The following IGF1 variants were observed in gnomAD, a reference collection of about 807,000 sequenced individuals.
IGF1 encodes insulin like growth factor 1.
A neutral mutation model predicts 13.8 loss-of-function variants in IGF1; 4 were observed. The ratio of observed to expected loss-of-function variants is 0.29; its 90% CI spans 0.14 to 0.66. IGF1 has a LOEUF of 0.66. IGF1 is among the 30% of genes least tolerant of loss of function. IGF1 has a pLI of 0.78. For synonymous variants in IGF1, 76 were observed against 72.6 expected, an observed-to-expected ratio of 1.05 and a Z score of -0.23; for missense variants, 124 against 188.5, an observed-to-expected ratio of 0.66 and a Z score of 2.00.
chr12:102,419,051 G>A (rs1373331390), intron 3 of IGF1, among the ~76,000 whole-genome samples: 2 of 152,180 alleles, frequency 1.3e-5, no homozygotes, highest in Non-Finnish European at 2.9e-5. Context: ...AGACATTAAC[G>A]ATGGTCCAAC....
At chr12:102,472,145 A>G (rs865784150) in intron 2 of IGF1, among the ~76,000 whole-genome samples, 5 of 152,130 alleles carry the variant, frequency 3.3e-5, no homozygotes, top group Non-Finnish European at 5.9e-5. Flanking sequence ...AGGCTCTCCT[A>G]TCTTCCCTAT....
intron 2 of IGF1, among the ~76,000 whole-genome samples, chr12:102,441,903 A>ACTGCTGCTG (rs142314979): frequency 0.026 from 707 of 27,298 alleles, 80 homozygotes; most frequent in African/African-American, 0.035. Context: ...ATTCTATTAC[A>ACTGCTGCTG]CTGCTTCTTC....
At chr12:102,474,253 G>T (rs1447937998) in intron 2 of IGF1, among the ~76,000 whole-genome samples, 1 of 152,186 alleles carries the variant, frequency 6.6e-6, no homozygotes, top group Non-Finnish European at 1.5e-5. Context: ...TCATTCATCT[G>T]CTCTGCAACA....
At chr12:102,471,362 C>T (rs777675396) in intron 2 of IGF1, among the ~76,000 whole-genome samples, 23 of 152,058 alleles carry the variant, frequency 1.5e-4, no homozygotes, top group Non-Finnish European at 3.2e-4. Flanking sequence ...GACGTTTAGA[C>T]CCAGGAAGTT....
intron 2 of IGF1, among the ~76,000 whole-genome samples, chr12:102,434,161 T>A (rs1049406606): frequency 5.3e-5 from 8 of 151,736 alleles, no homozygotes; most frequent in African/African-American, 1.2e-4. Flanking sequence ...TTTTTTTTTT[T>A]ATTATACTTT....
intron 2 of IGF1, among the ~76,000 whole-genome samples, chr12:102,441,906 G>GCTGCTGCTTCTTCTTCTTCTTCTT: frequency 0.019 from 1,854 of 99,994 alleles, 140 homozygotes; most frequent in South Asian, 0.028. Context: ...CTATTACACT[G>GCTGCTGCTTCTTCTTCTTCTTCTT]CTTCTTCTCC....
At chr12:102,440,316 G>A (rs149277213) in intron 2 of IGF1, among the ~76,000 whole-genome samples, 1 of 152,154 alleles carries the variant, frequency 6.6e-6, no homozygotes, top group Non-Finnish European at 1.5e-5. Flanking sequence ...CAAATACTGG[G>A]ATGGGCCTGC....
intron 2 of IGF1, among the ~76,000 whole-genome samples, chr12:102,453,270 T>C (rs796675969): frequency 3.9e-5 from 6 of 152,260 alleles, no homozygotes; most frequent in African/African-American, 1.4e-4. Flanking sequence ...AGGATGTAGG[T>C]TTTCAGGAGT....
At chr12:102,444,729 C>T (rs1878165701) in intron 2 of IGF1, among the ~76,000 whole-genome samples, 1 of 152,000 alleles carries the variant, frequency 6.6e-6, no homozygotes, top group Non-Finnish European at 1.5e-5. Context: ...AAGCACTGCC[C>T]TAAGTGCCGC....
At chr12:102,475,278 C>T (rs1181102142) in intron 2 of IGF1, among the ~76,000 whole-genome samples, 1 of 152,006 alleles carries the variant, frequency 6.6e-6, no homozygotes, top group African/African-American at 2.4e-5. Context: ...TGCATGTGTT[C>T]CATATGTTTA....
At chr12:102,472,142 C>T (rs1008159396) in intron 2 of IGF1, among the ~76,000 whole-genome samples, 3 of 152,110 alleles carry the variant, frequency 2.0e-5, no homozygotes, top group Non-Finnish European at 4.4e-5. Context: ...GATAGGCTCT[C>T]CTATCTTCCC....
chr12:102,409,531 T>C (rs2136960677), intron 3 of IGF1, among the ~76,000 whole-genome samples: 2 of 152,362 alleles, frequency 1.3e-5, no homozygotes, highest in South Asian at 4.1e-4. Flanking sequence ...ACTTTCTTCC[T>C]GTGGTATTCT....
chr12:102,417,549 T>G, intron 3 of IGF1: 2 of 1,167,228 alleles, frequency 1.7e-6, no homozygotes, highest in Non-Finnish European at 2.1e-6. Flanking sequence ...GTGTGTCTTT[T>G]TTTGCCTCTT....
chr12:102,432,831 C>T (rs1876856098), intron 2 of IGF1, among the ~76,000 whole-genome samples: 1 of 152,046 alleles, frequency 6.6e-6, no homozygotes, highest in Non-Finnish European at 1.5e-5. Flanking sequence ...TACCCTAAAA[C>T]TTAAAGTATA....
intron 3 of IGF1, among the ~76,000 whole-genome samples, chr12:102,413,988 C>T (rs1382778709): frequency 1.3e-5 from 2 of 152,182 alleles, no homozygotes; most frequent in African/African-American, 4.8e-5. Context: ...CGTTGGCAAG[C>T]TTGGGCTTGA....
At position 102,469,294 on chromosome 12, in the gene IGF1, T is replaced by C. The variant is rs1267311805; in HGVS notation, c.220+6349A>G. 3.3e-5 allele frequency among the ~76,000 whole-genome samples: 5 copies of C among 152,318 alleles called. No individual in the cohort carries two copies. In the South Asian group the frequency reaches 8.3e-4, roughly 25 times the overall value. On this transcript the variant is annotated intron_variant, in intron 2 of 3. Transcript: ENST00000337514. ...GTCCAATTAAACAGCATTTTTTTAG[T>C]AGGTCTTTGAGAAAGACCAATTAAA...
intron 2 of IGF1, among the ~76,000 whole-genome samples, chr12:102,445,273 G>A (rs929170281): frequency 2.0e-5 from 3 of 152,180 alleles, no homozygotes; most frequent in Admixed American, 1.3e-4. Context: ...ATTCTGTGAA[G>A]AAAGTCAATG....
At chr12:102,453,467 C>G (rs910473022) in intron 2 of IGF1, among the ~76,000 whole-genome samples, 1 of 152,088 alleles carries the variant, frequency 6.6e-6, no homozygotes, top group African/African-American at 2.4e-5. Flanking sequence ...AATCACTGTC[C>G]CAGATTCTGA....
upstream of IGF1, among the ~76,000 whole-genome samples, chr12:102,481,072 A>G (rs1433312971): frequency 6.6e-6 from 1 of 152,198 alleles, no homozygotes; most frequent in African/African-American, 2.4e-5. Flanking sequence ...CCCTTGTCCC[A>G]GTTGCCAAGT....
Sources: gnomAD v4.1 joint callset for allele counts (sites outside exome capture counted in the v4.1 genomes callset) on GRCh38, gnomAD v4.1.1 for gene constraint, MANE v1.5 for transcripts, NCBI Gene and HGNC (gene_info 2026-07-23, HGNC 2026-07-21) for gene names.